Variants in SCHIP1 observed in about 807,000 individuals in gnomAD.
SCHIP1 encodes the protein schwannomin interacting protein 1, also known as schwannomin-interacting protein 1.
SCHIP1 carries 8 observed loss-of-function variants against 29.7 expected under a neutral mutation model. That is an observed-to-expected ratio of 0.27 (90% confidence interval 0.16 to 0.49). The LOEUF (loss-of-function observed/expected upper bound fraction) is 0.49. SCHIP1 is among the 20% of genes least tolerant of loss of function. The pLI, the probability that SCHIP1 is intolerant of heterozygous loss-of-function variation, is 0.99. For synonymous variants in SCHIP1, 76 were observed against 94.9 expected (o/e 0.80, Z 1.16); for missense variants, 193 against 294.6 (o/e 0.66, Z 2.52).
chr3:159,842,154 T>C (rs915181790), intron 1 of SCHIP1, among the ~76,000 whole-genome samples: 29 of 152,238 alleles, frequency 1.9e-4, no homozygotes, highest in African/African-American at 6.8e-4. Flanking sequence ...GACTTACTTA[T>C]TTTTTAAGGA....
chr3:159,534,988 C>T, the SCHIP1 span, among the ~76,000 whole-genome samples: 1 of 152,094 alleles, frequency 6.6e-6, no homozygotes, highest in African/African-American at 2.4e-5. Flanking sequence ...CACATCCTTT[C>T]AGATACAAGC....
chr3:159,718,470 T>C, the SCHIP1 span, among the ~76,000 whole-genome samples: 1 of 152,216 alleles, frequency 6.6e-6, no homozygotes, highest in Admixed American at 6.5e-5. Flanking sequence ...CATGATTGTA[T>C]ATTTAGAAAA....
the SCHIP1 span, among the ~76,000 whole-genome samples, chr3:159,565,299 T>A: frequency 6.6e-6 from 1 of 152,334 alleles, no homozygotes; most frequent in East Asian, 1.9e-4. Flanking sequence ...GTGCTCATAA[T>A]CAGCCATAAG....
At chr3:159,438,632 C>T in the SCHIP1 span, among the ~76,000 whole-genome samples, 12 of 152,220 alleles carry the variant, frequency 7.9e-5, no homozygotes, top group African/African-American at 2.2e-4. Context: ...CTGATGTTCT[C>T]GTTCCTTCTA....
exon 1 of SCHIP1, chr3:159,840,030 C>T: frequency 1.4e-6 from 2 of 1,467,270 alleles, no homozygotes; most frequent in Non-Finnish European, 1.8e-6. Context: ...TGCCACTGCG[C>T]AGGTTGATCA....
At chr3:159,813,359 T>C in the SCHIP1 span, among the ~76,000 whole-genome samples, 1 of 152,214 alleles carries the variant, frequency 6.6e-6, no homozygotes, top group Non-Finnish European at 1.5e-5. Flanking sequence ...AAGTGATGTT[T>C]GTAATTGTAT....
chr3:159,834,385 G>A, the SCHIP1 span, among the ~76,000 whole-genome samples: 79 of 152,226 alleles, frequency 5.2e-4, no homozygotes, highest in African/African-American at 1.9e-3. Flanking sequence ...CAAAATATTC[G>A]GAGGCATTTA....
chr3:159,615,152 G>A, the SCHIP1 span, among the ~76,000 whole-genome samples: 1 of 152,296 alleles, frequency 6.6e-6, no homozygotes, highest in Non-Finnish European at 1.5e-5. Flanking sequence ...CCAGGAAGAA[G>A]GTACAGAGGG....
the SCHIP1 span, among the ~76,000 whole-genome samples, chr3:159,527,672 T>C: frequency 2.6e-5 from 4 of 152,262 alleles, no homozygotes; most frequent in Admixed American, 6.5e-5. Context: ...AGTTTATATA[T>C]GGCCAATTGT....
chr3:159,714,749 G>A, the SCHIP1 span, among the ~76,000 whole-genome samples: 1 of 152,256 alleles, frequency 6.6e-6, no homozygotes, highest in African/African-American at 2.4e-5. Context: ...CAGCTGGGAA[G>A]CTCGAACTGG....
the SCHIP1 span, among the ~76,000 whole-genome samples, chr3:159,555,724 A>G: frequency 6.6e-6 from 1 of 152,226 alleles, no homozygotes; most frequent in Non-Finnish European, 1.5e-5. Flanking sequence ...TAAGTGTACT[A>G]AAAACTTTGT....
chr3:159,420,331 G>A, the SCHIP1 span, among the ~76,000 whole-genome samples: 1 of 152,202 alleles, frequency 6.6e-6, no homozygotes, highest in African/African-American at 2.4e-5. Flanking sequence ...GATCTTTCTG[G>A]AATGGAGGAT....
chr3:159,664,706 T>C, the SCHIP1 span, among the ~76,000 whole-genome samples: 2 of 152,204 alleles, frequency 1.3e-5, no homozygotes, highest in African/African-American at 4.8e-5. Context: ...CACCATGTAT[T>C]TATAAGAGGC....
chr3:159,694,893 G>A, the SCHIP1 span, among the ~76,000 whole-genome samples: 7 of 152,290 alleles, frequency 4.6e-5, no homozygotes, highest in East Asian at 9.7e-4. Flanking sequence ...TGGGCTCAAC[G>A]TATCTATCAT....
the SCHIP1 span, among the ~76,000 whole-genome samples, chr3:159,729,694 T>A: frequency 6.6e-6 from 1 of 152,182 alleles, no homozygotes; most frequent in Non-Finnish European, 1.5e-5. Flanking sequence ...TGTGTTTAGA[T>A]AAAAAGACTA....
the SCHIP1 span, chr3:159,399,033 AC>A: frequency 6.0e-6 from 4 of 663,570 alleles, no homozygotes; most frequent in Non-Finnish European, 7.5e-6. Context: ...CCCACCCCAA[AC>A]CCTCACTCCC....
At chr3:159,612,565 G>T in the SCHIP1 span, among the ~76,000 whole-genome samples, 2 of 152,192 alleles carry the variant, frequency 1.3e-5, no homozygotes, top group Non-Finnish European at 2.9e-5. Context: ...TGGCCAACAT[G>T]GCGAAACTCC....
chr3:159,788,188 C>G, the SCHIP1 span, among the ~76,000 whole-genome samples: 18 of 152,122 alleles, frequency 1.2e-4, no homozygotes, highest in Admixed American at 2.0e-4. Context: ...AAAGTCTGCT[C>G]CCATCTCTCA....
At chr3:159,776,034 T>TA in the SCHIP1 span, among the ~76,000 whole-genome samples, 1 of 151,982 alleles carries the variant, frequency 6.6e-6, no homozygotes, top group Non-Finnish European at 1.5e-5. Context: ...AAAGAAAGAG[T>TA]AGTGTTAAAC....
Sources: allele counts gnomAD v4.1 joint callset (sites outside exome capture counted in the v4.1 genomes callset), GRCh38; gene constraint gnomAD v4.1.1; transcripts MANE v1.5; gene names NCBI Gene and HGNC (gene_info 2026-07-23, HGNC 2026-07-21).